The following RNF217 variants were observed in gnomAD, a reference collection of about 807,000 sequenced individuals.
RNF217 encodes E3 ubiquitin-protein ligase RNF217.
A neutral mutation model predicts 57.8 loss-of-function variants in RNF217; 31 were observed. The observed-to-expected ratio is 0.54, with a 90% CI of 0.40 to 0.72. The LOEUF (loss-of-function observed/expected upper bound fraction) is 0.72. Among genes scored for constraint, RNF217 ranks in the 30% least tolerant of loss-of-function variants. RNF217 has a pLI of 0.00. For synonymous variants in RNF217, 313 were observed against 294.0 expected (o/e 1.06, Z -0.66); for missense variants, 696 against 708.3 (o/e 0.98, Z 0.20).
chr6:125,054,718 A>G (rs1229468931), intron 2 of RNF217, among the ~76,000 whole-genome samples: 2 of 152,168 alleles, frequency 1.3e-5, no homozygotes, highest in African/African-American at 4.8e-5. Flanking sequence ...ATGCAGTCAC[A>G]TGGTATAGAG....
At chr6:125,077,463 C>G (rs1434858594) in intron 4 of RNF217, among the ~76,000 whole-genome samples, 1 of 152,130 alleles carries the variant, frequency 6.6e-6, no homozygotes, top group Non-Finnish European at 1.5e-5. Context: ...TGTGGATTGA[C>G]TTTTTACCCC....
At position 125,084,438 on chromosome 6, in the gene RNF217, T is replaced by C. The variant is rs575120346; in HGVS notation, c.*1501T>C. ...AAAAGACCCCTAAAAAGCCTAAAGC[T>C]TTAAATTGTCTCCAAATTCTTAAAA... On this transcript the variant is annotated 3_prime_UTR_variant, in exon 6 of 6. Coordinates refer to ENST00000521654, the MANE Select transcript of RNF217 (RefSeq NM_001286398.3). 6.6e-6 allele frequency: 1 copy of C among 152,082 alleles called. No homozygotes were observed. Among genetic ancestry groups the C allele is most frequent in the Admixed American group, 6.6e-5 (1 of 15,256 alleles). 9.4% of individuals were successfully genotyped at this position (152,082 alleles called of 1,614,324 possible).
At chr6:124,990,014 C>A (rs1183249860) in intron 1 of RNF217, among the ~76,000 whole-genome samples, 1 of 152,092 alleles carries the variant, frequency 6.6e-6, no homozygotes, top group Non-Finnish European at 1.5e-5. Context: ...CCTTTCTTTC[C>A]ATTTTCTCTT....
Position 125,084,015 on chromosome 6 carries a change from A to G in RNF217, c.*1078A>G, listed in dbSNP as rs1016222020. ...AAATTCCTATTCTGCTAATTTTTTA[A>G]CCAACTTGTAATTATAGATAATTCT... On this transcript the variant is annotated 3_prime_UTR_variant, in exon 6 of 6. Coordinates refer to ENST00000521654, the MANE Select transcript of RNF217 (RefSeq NM_001286398.3). 3.9e-4 allele frequency: 59 copies of G among 152,224 alleles called. No homozygotes were observed. The highest frequency in any genetic ancestry group is 1.3e-3 in the African/African-American group (56 of 41,566). The allele number at this position is 152,224 out of a possible 1,614,324, so 9.4% of individuals were successfully genotyped here.
rs1486891367 is a variant in RNF217, at chr6:125,016,705, G to C, written c.883-28506G>C. Among the ~76,000 whole-genome samples, 10 of 150,890 alleles carry C rather than the reference G, an allele frequency of 6.6e-5. No homozygotes were observed. In the South Asian group the frequency reaches 2.1e-3, roughly 32 times the overall value. On this transcript the variant is annotated intron_variant, in intron 1 of 5. Coordinates refer to ENST00000521654, the MANE Select transcript of RNF217 (RefSeq NM_001286398.3). ...AGGAACAGAAAACCAAACACCACCT[G>C]TTCTCACTCATAAGTGGGAGCTGAA... is the stretch of plus-strand genomic sequence containing the variant.
chr6:125,018,549 CCAACAG>C (rs1785698401), intron 1 of RNF217, among the ~76,000 whole-genome samples: 1 of 151,812 alleles, frequency 6.6e-6, no homozygotes, highest in Non-Finnish European at 1.5e-5. Flanking sequence ...AAAGGAAAAG[CCAACAG>C]TGAACCAGAA....
At chr6:124,994,849 T>C (rs1784688911) in intron 1 of RNF217, among the ~76,000 whole-genome samples, 1 of 152,208 alleles carries the variant, frequency 6.6e-6, no homozygotes, top group African/African-American at 2.4e-5. Flanking sequence ...CGTGGCTGAC[T>C]GTTGGCAGGC....
At position 124,963,339 on chromosome 6, in the gene RNF217, G is replaced by C; in HGVS notation, c.795G>C (p.Val265=). 6.5e-7 allele frequency: 1 copy of C among 1,534,402 alleles called. No homozygotes were observed. Among genetic ancestry groups the C allele is most frequent in the South Asian group, 1.2e-5 (1 of 83,822 alleles). ...YVPLMVLMCR[V]CLEDKPIKPL... is the part of the protein sequence containing the mutation. ...CCCTCATGGTGCTGATGTGCCGGGT[G>C]TGCCTGGAAGACAAGCCCATCAAGC... Residue 265 remains valine (V), a synonymous_variant, in exon 1 of 6, where the codon GTG becomes GTC. Coordinates refer to ENST00000521654, the MANE Select transcript of RNF217 (RefSeq NM_001286398.3).
chr6:125,056,393 A>G (rs907118643), intron 2 of RNF217, among the ~76,000 whole-genome samples: 2 of 152,232 alleles, frequency 1.3e-5, no homozygotes, highest in African/African-American at 4.8e-5. Flanking sequence ...AGACATTATC[A>G]TTGAACAGAA....
chr6:125,075,866 A>G (rs1321239438), intron 3 of RNF217, among the ~76,000 whole-genome samples: 2 of 152,044 alleles, frequency 1.3e-5, no homozygotes, highest in Non-Finnish European at 2.9e-5. Flanking sequence ...TGATTATAAC[A>G]TGGTCTCACT....
At chr6:124,994,332 C>G (rs756530461) in intron 1 of RNF217, among the ~76,000 whole-genome samples, 11 of 152,124 alleles carry the variant, frequency 7.2e-5, no homozygotes, top group Admixed American at 5.9e-4. Context: ...AAAATCCTGA[C>G]GTGATTTCAT....
chr6:125,025,282 A>G (rs1786029912), intron 1 of RNF217, among the ~76,000 whole-genome samples: 1 of 152,194 alleles, frequency 6.6e-6, no homozygotes, highest in African/African-American at 2.4e-5. Flanking sequence ...CGTGAACACA[A>G]GAACATTAAA....
At chr6:125,033,016 T>C (rs912417970) in intron 1 of RNF217, among the ~76,000 whole-genome samples, 64 of 152,158 alleles carry the variant, frequency 4.2e-4, no homozygotes, top group Admixed American at 5.9e-4. Context: ...TGATGACTTA[T>C]GAAGTTGAAT....
Position 125,057,903 on chromosome 6 carries a change from A to G in RNF217, c.1117-39A>G, listed in dbSNP as rs201177267. The G allele has an allele frequency of 3.9e-5, 59 of 1,520,870 alleles. No homozygotes were observed. The East Asian group carries it at 8.8e-4, about 23-fold the overall frequency. 94.2% of individuals were successfully genotyped at this position (1,520,870 alleles called of 1,614,324 possible). ...TCTTATCCTTTTAGACACTTTCAGT[A>G]TATCCACTAGTAATTAATATGATTT... On this transcript the variant is annotated intron_variant, in intron 2 of 5. Coordinates refer to ENST00000521654, the MANE Select transcript of RNF217 (RefSeq NM_001286398.3).
chr6:124,974,805 T>G (rs1304046680), intron 1 of RNF217, among the ~76,000 whole-genome samples: 1 of 152,208 alleles, frequency 6.6e-6, no homozygotes, highest in Non-Finnish European at 1.5e-5. Flanking sequence ...TTTGTGGTAT[T>G]CTAGTTTGTG....
At chr6:125,058,131 G>GA (rs1562489348) in intron 3 of RNF217, 25 bp downstream of exon 3, 2 of 1,585,628 alleles carry the variant, frequency 1.3e-6, no homozygotes, top group African/African-American at 1.4e-5. Flanking sequence ...AGGAGGAAAA[G>GA]AAAAAACATG....
At chr6:124,965,499 G>C (rs1187009115) in intron 1 of RNF217, among the ~76,000 whole-genome samples, 1 of 152,178 alleles carries the variant, frequency 6.6e-6, no homozygotes, top group African/African-American at 2.4e-5. Flanking sequence ...CTTGAACCCA[G>C]GAGGCAGAGG....
At chr6:125,017,040 C>G (rs899974246) in intron 1 of RNF217, among the ~76,000 whole-genome samples, 3 of 152,128 alleles carry the variant, frequency 2.0e-5, no homozygotes, top group Non-Finnish European at 4.4e-5. Context: ...CTGGACTTGG[C>G]CCCATGCACC....
At chr6:125,058,551 A>G (rs1402909745) in intron 3 of RNF217, among the ~76,000 whole-genome samples, 1 of 152,158 alleles carries the variant, frequency 6.6e-6, no homozygotes, top group Non-Finnish European at 1.5e-5. Context: ...CATTAAATTG[A>G]ACTGATTGTT....
Sources: allele counts gnomAD v4.1 joint callset (sites outside exome capture counted in the v4.1 genomes callset), GRCh38; gene constraint gnomAD v4.1.1; transcripts MANE v1.5; gene names NCBI Gene and HGNC (gene_info 2026-07-23, HGNC 2026-07-21).